Variants in MGAT5 observed in about 807,000 individuals in gnomAD.
MGAT5 encodes the protein alpha-1,6-mannosylglycoprotein 6-beta-N-acetylglucosaminyltransferase A.
MGAT5 carries 30 observed loss-of-function variants against 94.3 expected under a neutral mutation model. The ratio of observed to expected loss-of-function variants is 0.32; its 90% confidence interval spans 0.24 to 0.43. The LOEUF (loss-of-function observed/expected upper bound fraction) is 0.43, where lower values mean the gene tolerates loss of function less well. Among genes scored for constraint, MGAT5 ranks in the 20% least tolerant of loss-of-function variants. MGAT5 has a pLI of 1.00. For missense variants in MGAT5, 691 were observed against 905.5 expected (o/e 0.76, Z 3.04); for synonymous variants, 310 against 322.9 (o/e 0.96, Z 0.43).
At chr2:134,189,727 G>C (rs979902687) in intron 1 of MGAT5, among the ~76,000 whole-genome samples, 2 of 150,104 alleles carry the variant, frequency 1.3e-5, no homozygotes, top group African/African-American at 2.4e-5. Context: ...TCAGCCTCCC[G>C]AGCAGCTGGG....
rs1358954999 is a variant in MGAT5 at position 134,451,495 on chromosome 2, AAACT to A, written c.*2649_*2652del. ...GGTCTAGTCAGTGATCCTGGAGAGG[AAACT>A]GGGGAGGGGGCTTCCAACTGCCCTG... On this transcript the variant is annotated 3_prime_UTR_variant, in exon 16 of 16. Transcript: ENST00000281923. The A allele has an allele frequency of 1.3e-5, 2 of 152,216 alleles. No homozygotes were observed. The highest frequency in any genetic ancestry group is 1.5e-5 in the Non-Finnish European group (1 of 68,058). 9.4% of individuals were successfully genotyped at this position (152,216 alleles called of 1,614,324 possible).
At chr2:134,359,082 T>C (rs1381797417) in intron 9 of MGAT5, among the ~76,000 whole-genome samples, 1 of 152,224 alleles carries the variant, frequency 6.6e-6, no homozygotes, top group Non-Finnish European at 1.5e-5. Flanking sequence ...CTTAAAATCA[T>C]TGCTAATGTT....
At chr2:134,149,804 C>T (rs1687090719) in intron 1 of MGAT5, among the ~76,000 whole-genome samples, 1 of 152,150 alleles carries the variant, frequency 6.6e-6, no homozygotes, top group Non-Finnish European at 1.5e-5. Flanking sequence ...TGGAAAAGCC[C>T]TATCACCTCT....
intron 1 of MGAT5, among the ~76,000 whole-genome samples, chr2:134,154,762 G>A (rs1687396398): frequency 2.0e-5 from 3 of 152,194 alleles, no homozygotes; most frequent in African/African-American, 4.8e-5. Context: ...CAACTGTGCT[G>A]TCTGACTCTC....
At chr2:134,347,678 G>A (rs1411330997) in intron 8 of MGAT5, among the ~76,000 whole-genome samples, 1 of 152,178 alleles carries the variant, frequency 6.6e-6, no homozygotes, top group Admixed American at 6.5e-5. Flanking sequence ...ATGAGAGGAT[G>A]TGCGTAGGTT....
intron 4 of MGAT5, among the ~76,000 whole-genome samples, chr2:134,322,737 CTTA>C (rs1375206903): frequency 6.6e-6 from 1 of 151,978 alleles, no homozygotes; most frequent in Non-Finnish European, 1.5e-5. Flanking sequence ...TGAAACTTTC[CTTA>C]TTCTGTTATT....
rs181028574 is a variant in MGAT5 at position 134,397,741 on chromosome 2, C to T, written c.1381-5247C>T. On this transcript the variant is annotated intron_variant, in intron 10 of 15. Coordinates refer to ENST00000281923, the MANE Select transcript of MGAT5 (RefSeq NM_002410.5). ...GCAATCTGAAAGGGCTCCTAAGGAG[C>T]GTGCCACTGTTGAGACAACGAGCCC... Among the ~76,000 whole-genome samples, 22 of 152,212 alleles carry T rather than the reference C, an allele frequency of 1.4e-4. No individual in the cohort carries two copies. In the East Asian group the frequency reaches 3.5e-3, roughly 24 times the overall value.
Position 134,427,884 on chromosome 2 carries a change from C to G in MGAT5, c.1795-481C>G, listed in dbSNP as rs139687107. 9.0e-4 allele frequency among the ~76,000 whole-genome samples: 137 copies of G among 152,354 alleles called. 4 individuals are homozygous for G. The East Asian group carries it at 0.022, about 24-fold the overall frequency. On this transcript the variant is annotated intron_variant, in intron 13 of 15. Transcript: ENST00000281923. ...CACTGTCACGGATCCTTCAGTTGCT[C>G]ATTGTTGCCTTACAGCAGTGACCAT...
chr2:134,454,554 CTT>C lies in MGAT5; in HGVS notation c.*5709_*5710del, dbSNP rs1234152779. On this transcript the variant is annotated 3_prime_UTR_variant, in exon 16 of 16. Transcript: ENST00000281923. ...TACTGTCCTGGCATAGAGAGCACTGCTTTGTTTTCCACTGTTGTAGAGAAAAC... is the reference window on the plus strand; with the variant it reads ...TACTGTCCTGGCATAGAGAGCACTGCTGTTTTCCACTGTTGTAGAGAAAAC... The C allele has an allele frequency of 7.9e-5, 12 of 152,222 alleles. No homozygotes were observed. Among genetic ancestry groups the C allele is most frequent in the African/African-American group, 2.9e-4 (12 of 41,524 alleles). The allele number at this position is 152,222 out of a possible 1,614,324, so 9.4% of individuals were successfully genotyped here. A position where few individuals can be genotyped will look rare whatever the true frequency, so the allele number is the denominator to read the frequency against.
intron 2 of MGAT5, among the ~76,000 whole-genome samples, chr2:134,274,496 C>T (rs1684224634): frequency 6.6e-6 from 1 of 152,100 alleles, no homozygotes; most frequent in Non-Finnish European, 1.5e-5. Flanking sequence ...AGTTACAATC[C>T]TAGATGTGAT....
intron 9 of MGAT5, among the ~76,000 whole-genome samples, chr2:134,356,873 A>G (rs1679776562): frequency 6.6e-6 from 1 of 152,132 alleles, no homozygotes; most frequent in Non-Finnish European, 1.5e-5. Flanking sequence ...CATTTCAGTG[A>G]GACTGACTGT....
At chr2:134,372,847 G>C (rs1680902578) in intron 10 of MGAT5, among the ~76,000 whole-genome samples, 1 of 152,200 alleles carries the variant, frequency 6.6e-6, no homozygotes, top group Admixed American at 6.5e-5. Context: ...AAACATACAA[G>C]ACTGCTGTCC....
intron 1 of MGAT5, among the ~76,000 whole-genome samples, chr2:134,207,700 A>G (rs3748897): frequency 0.18 from 26,792 of 152,142 alleles, 2,399 homozygotes; most frequent in African/African-American, 0.19. Flanking sequence ...CTGCCTTACC[A>G]GGGGTCTTGT....
intron 1 of MGAT5, among the ~76,000 whole-genome samples, chr2:134,172,480 T>C (rs904564082): frequency 6.6e-6 from 1 of 152,064 alleles, no homozygotes; most frequent in Non-Finnish European, 1.5e-5. Context: ...TCCGCCTCCT[T>C]GGTTCATGCC....
At chr2:134,383,168 A>C (rs1332278649) in intron 10 of MGAT5, among the ~76,000 whole-genome samples, 1 of 152,234 alleles carries the variant, frequency 6.6e-6, no homozygotes, top group African/African-American at 2.4e-5. Flanking sequence ...ACAGCGTTAT[A>C]GTTTTATGGT....
At chr2:134,351,637 T>C (rs2106057149) in intron 9 of MGAT5, among the ~76,000 whole-genome samples, 1 of 152,282 alleles carries the variant, frequency 6.6e-6, no homozygotes, top group South Asian at 2.1e-4. Flanking sequence ...GACAAAAACA[T>C]GGATTAATTT....
At chr2:134,318,232 A>G (rs1456231182) in intron 3 of MGAT5, among the ~76,000 whole-genome samples, 1 of 152,128 alleles carries the variant, frequency 6.6e-6, no homozygotes, top group Non-Finnish European at 1.5e-5. Flanking sequence ...CCGTCCGTCA[A>G]CGCTCGTCCG....
chr2:134,345,829 A>G (rs1199744983), intron 8 of MGAT5, among the ~76,000 whole-genome samples: 1 of 152,178 alleles, frequency 6.6e-6, no homozygotes, highest in Non-Finnish European at 1.5e-5. Flanking sequence ...TTCAGCAGGC[A>G]AAAGTATCTA....
At chr2:134,405,924 C>T (rs913576291) in intron 11 of MGAT5, among the ~76,000 whole-genome samples, 4 of 152,234 alleles carry the variant, frequency 2.6e-5, no homozygotes, top group Admixed American at 1.3e-4. Context: ...AACACTAATA[C>T]TGGGGCTAAA....
Sources: gnomAD v4.1 joint callset for allele counts (sites outside exome capture counted in the v4.1 genomes callset) on GRCh38, gnomAD v4.1.1 for gene constraint, MANE v1.5 for transcripts, NCBI Gene and HGNC (gene_info 2026-07-23, HGNC 2026-07-21) for gene names.